The following TEX29 variants were observed in gnomAD, a reference collection of about 807,000 sequenced individuals.
TEX29 encodes testis expressed 29.
A neutral mutation model predicts 18.2 loss-of-function variants in TEX29; 26 were observed. The ratio of observed to expected loss-of-function variants is 1.43; its 90% CI spans 1.04 to 1.98. The LOEUF (loss-of-function observed/expected upper bound fraction) is 1.98, where lower values mean the gene tolerates loss of function less well. TEX29 is among the 30% of genes most tolerant of loss of function. The probability of loss-of-function intolerance (pLI) is 0.00; values close to 1 mark genes in which losing one functional copy is unlikely to be tolerated. For synonymous variants in TEX29, 83 were observed against 78.5 expected, an observed-to-expected ratio of 1.06 and a Z score of -0.31; for missense variants, 177 against 194.2, an observed-to-expected ratio of 0.91 and a Z score of 0.53.
intron 3 of TEX29, among the ~76,000 whole-genome samples, chr13:111,330,811 C>T (rs1447294330): frequency 6.6e-6 from 1 of 152,144 alleles, no homozygotes; most frequent in African/African-American, 2.4e-5. Context: ...TAAATGGAAC[C>T]ACATGATTTG....
intron 2 of TEX29, among the ~76,000 whole-genome samples, chr13:111,327,550 G>T (rs2093676058): frequency 6.6e-6 from 1 of 152,154 alleles, no homozygotes; most frequent in African/African-American, 2.4e-5. Flanking sequence ...ATCCAGCCCA[G>T]TCCCTCGGTG....
chr13:111,316,939 C>A (rs1316251657), upstream of TEX29, among the ~76,000 whole-genome samples: 7 of 152,062 alleles, frequency 4.6e-5, no homozygotes, highest in Admixed American at 3.3e-4. Flanking sequence ...AAGGAAGTGC[C>A]ACACTTTAAA....
intron 2 of TEX29, among the ~76,000 whole-genome samples, chr13:111,324,481 T>G (rs1238250840): frequency 6.6e-6 from 1 of 152,210 alleles, no homozygotes; most frequent in Non-Finnish European, 1.5e-5. Context: ...CCCCTGCTAA[T>G]TGACTGCTTC....
At chr13:111,328,127 G>C in intron 2 of TEX29, 56 bp from the exon 3 acceptor site, 2 of 1,173,250 alleles carry the variant, frequency 1.7e-6, no homozygotes, top group South Asian at 1.2e-5. Context: ...CTTTAGCGGA[G>C]AGCAGAGTGG....
chr13:111,335,464 G>T (rs981218672), intron 3 of TEX29, among the ~76,000 whole-genome samples: 1 of 152,238 alleles, frequency 6.6e-6, no homozygotes, highest in Non-Finnish European at 1.5e-5. Flanking sequence ...GGCAGTGGGT[G>T]CTGACTTGGC....
At chr13:111,333,868 G>A (rs536365091) in intron 3 of TEX29, among the ~76,000 whole-genome samples, 13 of 152,156 alleles carry the variant, frequency 8.5e-5, no homozygotes, top group Non-Finnish European at 1.3e-4. Flanking sequence ...GCCCCCATGA[G>A]CCAACCACCT....
Position 111,342,894 on chromosome 13 carries a change from T to C in TEX29, c.378T>C (p.Ala126=), listed in dbSNP as rs2153642218. The C allele has an allele frequency of 6.2e-7, 1 of 1,614,204 alleles. No homozygotes were observed. The highest frequency in any genetic ancestry group is 8.5e-7 in the Non-Finnish European group (1 of 1,180,048). ...CTGCGAGTCCTGGGCCTCCAAGTGCTGGGCCCTCGATGAAGAGTGACGAGG... is the reference window on the plus strand; with the variant it reads ...CTGCGAGTCCTGGGCCTCCAAGTGCCGGGCCCTCGATGAAGAGTGACGAGG... The part of the protein sequence containing the change: ...LKPASPGPPS[A]GPSMKSDEDK... The change falls in exon 5 of 6, where the codon GCT becomes GCC. Residue 126 remains alanine, a synonymous_variant. Coordinates refer to ENST00000283547, the MANE Select transcript of TEX29 (RefSeq NM_152324.3).
At chr13:111,316,226 C>G, upstream of TEX29, 3 of 506,432 alleles carry the variant, frequency 5.9e-6, no homozygotes, top group African/African-American at 5.8e-5. Context: ...AGCCATCTGT[C>G]AAGGAAGACA....
chr13:111,342,073 G>T (rs1011018560), intron 4 of TEX29, among the ~76,000 whole-genome samples: 1 of 152,200 alleles, frequency 6.6e-6, no homozygotes, highest in Non-Finnish European at 1.5e-5. Context: ...TTTTAATGGT[G>T]AGGAAATGCA....
chr13:111,343,900 T>G (rs1034006513), intron 5 of TEX29, among the ~76,000 whole-genome samples, 183 bp from the exon 6 acceptor site: 63 of 152,056 alleles, frequency 4.1e-4, no homozygotes, highest in Admixed American at 5.9e-4. Flanking sequence ...AGGAAGAGTG[T>G]TTTACTGTCC....
rs886658217 is a variant in TEX29, at chr13:111,331,006, G to C, written c.169+2713G>C. Among the ~76,000 whole-genome samples, 7 of 152,312 alleles carry C rather than the reference G, an allele frequency of 4.6e-5. No individual in the cohort carries two copies. The South Asian group carries it at 1.5e-3, about 32-fold the overall frequency. On this transcript the variant is annotated intron_variant, in intron 3 of 5. Coordinates refer to ENST00000283547, the MANE Select transcript of TEX29 (RefSeq NM_152324.3). Reference sequence around the variant, plus strand: ...TGGCTATTATAAATGATGCTGCTCAGAACATTTGTATATAGGTTTTTGTGC... The same window carrying C: ...TGGCTATTATAAATGATGCTGCTCACAACATTTGTATATAGGTTTTTGTGC...
chr13:111,324,069 CAGAA>C (rs1300049079), intron 2 of TEX29, among the ~76,000 whole-genome samples: 1 of 152,204 alleles, frequency 6.6e-6, no homozygotes, highest in Non-Finnish European at 1.5e-5. Context: ...AGCTCACAGA[CAGAA>C]AGGGGTGTGC....
chr13:111,323,836 T>C (rs898919873), intron 2 of TEX29, among the ~76,000 whole-genome samples: 1 of 152,224 alleles, frequency 6.6e-6, no homozygotes, highest in Non-Finnish European at 1.5e-5. Flanking sequence ...TCCCTGAACC[T>C]GCTGTGATCC....
chr13:111,316,309 T>C, upstream of TEX29: 1 of 466,208 alleles, frequency 2.1e-6, no homozygotes, highest in Non-Finnish European at 4.3e-6. Flanking sequence ...TCCTACAACC[T>C]GAGGAAGGTG....
At chr13:111,324,152 C>T (rs2093669107) in intron 2 of TEX29, among the ~76,000 whole-genome samples, 1 of 152,172 alleles carries the variant, frequency 6.6e-6, no homozygotes, top group Non-Finnish European at 1.5e-5. Flanking sequence ...CTCTGGAGTT[C>T]CCACACATTT....
chr13:111,321,184 A>G (rs1466610905), intron 2 of TEX29, among the ~76,000 whole-genome samples: 2 of 152,256 alleles, frequency 1.3e-5, no homozygotes, highest in African/African-American at 4.8e-5. Flanking sequence ...CTAGATGAAG[A>G]AATACATTTA....
At chr13:111,329,775 G>A (rs7985830) in intron 3 of TEX29, among the ~76,000 whole-genome samples, 13,028 of 152,086 alleles carry the variant, frequency 0.086, 666 homozygotes, top group Non-Finnish European at 0.1. Context: ...AAGGTCTGAG[G>A]GTCTCGTTCC....
At chr13:111,328,124 G>A (rs1488978528) in intron 2 of TEX29, 59 bp from the exon 3 acceptor site, 20 of 1,148,428 alleles carry the variant, frequency 1.7e-5, no homozygotes, top group South Asian at 8.7e-5. Flanking sequence ...GTTCTTTAGC[G>A]GAGAGCAGAG....
At chr13:111,327,314 C>T (rs1302814215) in intron 2 of TEX29, among the ~76,000 whole-genome samples, 3 of 152,216 alleles carry the variant, frequency 2.0e-5, no homozygotes, top group Admixed American at 6.5e-5. Flanking sequence ...ACTAAATCAA[C>T]CCTAAGGAAC....
Sources: gnomAD v4.1 joint callset for allele counts (sites outside exome capture counted in the v4.1 genomes callset) on GRCh38, gnomAD v4.1.1 for gene constraint, MANE v1.5 for transcripts, NCBI Gene and HGNC (gene_info 2026-07-23, HGNC 2026-07-21) for gene names.